EVI5: variants seen among roughly 807,000 people sequenced by gnomAD.
EVI5 encodes the protein ecotropic viral integration site 5 protein homolog.
EVI5 carries 73 observed loss-of-function variants against 112.0 expected under a neutral mutation model. The observed-to-expected ratio is 0.65, with a 90% CI of 0.54 to 0.79. The LOEUF is 0.79. Among genes scored for constraint, EVI5 ranks in the 30% least tolerant of loss-of-function variants. The probability of loss-of-function intolerance (pLI) is 0.00; values close to 1 mark genes in which losing one functional copy is unlikely to be tolerated. For synonymous variants in EVI5, 305 were observed against 319.9 expected (o/e 0.95, Z 0.50); for missense variants, 900 against 968.8 (o/e 0.93, Z 0.94).
At chr1:92,720,857 T>C (rs769933909) in intron 2 of EVI5, among the ~76,000 whole-genome samples, 1 of 152,094 alleles carries the variant, frequency 6.6e-6, no homozygotes, top group African/African-American at 2.4e-5. Context: ...CATCAAAAAA[T>C]GGGCAAAGGT....
Position 92,510,359 on chromosome 1 carries a change from T to C in EVI5, c.*3297A>G, listed in dbSNP as rs201932398. The C allele has an allele frequency of 6.6e-6, 1 of 152,216 alleles. No individual in the cohort carries two copies. Among genetic ancestry groups the C allele is most frequent in the Non-Finnish European group, 1.5e-5 (1 of 68,042 alleles). The allele number at this position is 152,216 out of a possible 1,614,324, so 9.4% of individuals were successfully genotyped here. On this transcript the variant is annotated 3_prime_UTR_variant, in exon 20 of 20. Transcript: ENST00000684568. ...ATTCTGGAGTTCTTTCCTTTCTTTC[T>C]CCTTCTCCAAAGATACAGATATCTT...
intron 19 of EVI5, among the ~76,000 whole-genome samples, chr1:92,528,335 T>G (rs1662276338): frequency 6.6e-6 from 1 of 152,202 alleles, no homozygotes; most frequent in Admixed American, 6.5e-5. Flanking sequence ...AACTATACAC[T>G]TCAGTGTGCT....
At chr1:92,688,576 T>C (rs1668960458) in intron 9 of EVI5, among the ~76,000 whole-genome samples, 1 of 151,776 alleles carries the variant, frequency 6.6e-6, no homozygotes, top group South Asian at 2.1e-4. Flanking sequence ...TTTAATAAAG[T>C]GGGAGAAGGC....
chr1:92,613,419 C>G (rs890920554), intron 16 of EVI5, among the ~76,000 whole-genome samples: 5 of 152,244 alleles, frequency 3.3e-5, no homozygotes, highest in African/African-American at 1.2e-4. Context: ...CTCCCTCAGC[C>G]TCCCAAGTAG....
At chr1:92,732,210 G>A (rs534070920) in intron 2 of EVI5, 5 of 237,662 alleles carry the variant, frequency 2.1e-5, no homozygotes, top group Admixed American at 5.5e-5. Context: ...TTCAAGGACC[G>A]TGTTGAAAAA....
intron 16 of EVI5, among the ~76,000 whole-genome samples, chr1:92,618,624 C>A (rs1309329349): frequency 6.6e-6 from 1 of 152,088 alleles, no homozygotes; most frequent in Non-Finnish European, 1.5e-5. Context: ...ATGGCCCAGA[C>A]CCCTCAGGAA....
intron 7 of EVI5, among the ~76,000 whole-genome samples, chr1:92,694,958 C>T (rs1012443745): frequency 1.4e-5 from 2 of 147,522 alleles, no homozygotes; most frequent in African/African-American, 2.4e-5. Context: ...TTTTACCTCT[C>T]ACTAACTTTC....
chr1:92,554,972 C>T (rs1374431632), intron 19 of EVI5, among the ~76,000 whole-genome samples: 1 of 152,096 alleles, frequency 6.6e-6, no homozygotes, highest in Admixed American at 6.5e-5. Context: ...AGAGCAAGAC[C>T]TTGTCTCCAG....
chr1:92,566,697 A>C (rs568998593), intron 18 of EVI5, among the ~76,000 whole-genome samples: 14 of 152,260 alleles, frequency 9.2e-5, no homozygotes, highest in African/African-American at 3.4e-4. Context: ...TCCATGTGTA[A>C]TACTATTGCC....
chr1:92,700,353 C>A (rs1294301099), intron 5 of EVI5, among the ~76,000 whole-genome samples: 1 of 152,146 alleles, frequency 6.6e-6, no homozygotes, highest in East Asian at 1.9e-4. Flanking sequence ...ATCAGACTCT[C>A]TGAGTTACAT....
rs1006230018 is a variant in EVI5, at chr1:92,510,635, C to G, written c.*3021G>C. 1.3e-5 allele frequency: 2 copies of G among 152,170 alleles called. No homozygotes were observed. Among genetic ancestry groups the G allele is most frequent in the African/African-American group, 4.8e-5 (2 of 41,448 alleles). 9.4% of individuals were successfully genotyped at this position (152,170 alleles called of 1,614,324 possible). A position where few individuals can be genotyped will look rare whatever the true frequency, so the allele number is the denominator to read the frequency against. ...GGATCAGATAAATATTTTAGGCTAC[C>G]TGGGCCATATGGTCTCCCTTGCAAT... On this transcript the variant is annotated 3_prime_UTR_variant, in exon 20 of 20. Coordinates refer to ENST00000684568, the MANE Select transcript of EVI5 (RefSeq NM_001350197.2).
intron 1 of EVI5, among the ~76,000 whole-genome samples, chr1:92,776,505 A>G (rs547515630): frequency 1.3e-5 from 2 of 152,334 alleles, no homozygotes; most frequent in South Asian, 4.1e-4. Flanking sequence ...CCACAACTTT[A>G]TTAATCTTTA....
chr1:92,721,681 A>AT (rs1036733664), intron 2 of EVI5, among the ~76,000 whole-genome samples: 6 of 152,064 alleles, frequency 3.9e-5, no homozygotes, highest in Non-Finnish European at 8.8e-5. Flanking sequence ...TATAACAATA[A>AT]TTTTTTTTAA....
At position 92,512,272 on chromosome 1, in the gene EVI5, T is replaced by A. The variant is rs1337648108; in HGVS notation, c.*1384A>T. 2.6e-5 allele frequency: 4 copies of A among 152,678 alleles called. No individual in the cohort carries two copies. Among genetic ancestry groups the A allele is most frequent in the Non-Finnish European group, 5.9e-5 (4 of 68,046 alleles). 9.5% of individuals were successfully genotyped at this position (152,678 alleles called of 1,614,324 possible). On this transcript the variant is annotated 3_prime_UTR_variant, in exon 20 of 20. Coordinates refer to ENST00000684568, the MANE Select transcript of EVI5 (RefSeq NM_001350197.2). ...ATTATTTGTAGATATAATTGCTATG[T>A]TTCTTGGACCTTAGCCCATTGCTTA...
At chr1:92,603,178 T>C (rs1462823092) in intron 18 of EVI5, among the ~76,000 whole-genome samples, 2 of 152,182 alleles carry the variant, frequency 1.3e-5, no homozygotes, top group Admixed American at 6.5e-5. Flanking sequence ...ATGGTACTTA[T>C]AAAAACAACA....
intron 13 of EVI5, among the ~76,000 whole-genome samples, chr1:92,639,373 T>C (rs1197169638): frequency 6.6e-6 from 1 of 151,836 alleles, no homozygotes; most frequent in Non-Finnish European, 1.5e-5. Flanking sequence ...AGTAAATATT[T>C]GTATTGGGGG....
At position 92,773,695 on chromosome 1, in the gene EVI5, T is replaced by A. The variant is rs546806608; in HGVS notation, c.-82+11141A>T. 5.7e-4 allele frequency among the ~76,000 whole-genome samples: 86 copies of A among 152,126 alleles called. 2 individuals carry two copies. Among genetic ancestry groups the A allele is most frequent in the East Asian group, 1.5e-3 (8 of 5,166 alleles). Reference sequence around the variant, plus strand: ...TGGGGATTAACTACAGCAACCACAATAGGAATGATTCACATAGGTGTATAA... The same window carrying A: ...TGGGGATTAACTACAGCAACCACAAAAGGAATGATTCACATAGGTGTATAA... On this transcript the variant is annotated intron_variant, in intron 1 of 19. Transcript: ENST00000684568.
chr1:92,743,580 T>C (rs1678778299), intron 1 of EVI5, among the ~76,000 whole-genome samples: 1 of 152,068 alleles, frequency 6.6e-6, no homozygotes, highest in Non-Finnish European at 1.5e-5. Context: ...ATGAAAAAAT[T>C]ATAGAGATGA....
intron 17 of EVI5, among the ~76,000 whole-genome samples, chr1:92,606,923 C>CACACA (rs752623069): frequency 1.4e-4 from 8 of 56,972 alleles, no homozygotes; most frequent in Non-Finnish European, 2.3e-4. Flanking sequence ...CACACACACA[C>CACACA]CCCCCCAAAC....
Sources: allele counts gnomAD v4.1 joint callset (sites outside exome capture counted in the v4.1 genomes callset), GRCh38; gene constraint gnomAD v4.1.1; transcripts MANE v1.5; gene names NCBI Gene and HGNC (gene_info 2026-07-23, HGNC 2026-07-21).